GABRG3: variants seen among roughly 807,000 people sequenced by gnomAD.
The protein encoded by GABRG3 is gamma-aminobutyric acid receptor subunit gamma-3.
Under a neutral mutation model 48.8 loss-of-function variants are expected in GABRG3, and 25 were observed. The observed-to-expected ratio is 0.51, with a 90% CI of 0.37 to 0.72. The LOEUF (loss-of-function observed/expected upper bound fraction) is 0.72. Among genes scored for constraint, GABRG3 ranks in the 30% least tolerant of loss-of-function variants. The pLI is 0.00. For missense variants in GABRG3, 394 were observed against 577.9 expected, an observed-to-expected ratio of 0.68 and a Z score of 3.26; for synonymous variants, 227 against 217.6, an observed-to-expected ratio of 1.04 and a Z score of -0.38.
intron 2 of GABRG3, among the ~76,000 whole-genome samples, chr15:27,003,371 C>CT (rs1172689032): frequency 6.6e-6 from 1 of 151,684 alleles, no homozygotes; most frequent in East Asian, 1.9e-4. Flanking sequence ...TCCCTGCGGC[C>CT]TTCCGCAGTG....
intron 3 of GABRG3, among the ~76,000 whole-genome samples, chr15:27,215,932 C>T (rs570722586): frequency 5.9e-5 from 9 of 152,292 alleles, no homozygotes; most frequent in African/African-American, 2.2e-4. Flanking sequence ...AATCTATACT[C>T]GTGTCTTTTT....
chr15:27,271,707 C>T (rs1891096677), intron 3 of GABRG3: 12 of 442,966 alleles, frequency 2.7e-5, no homozygotes, highest in South Asian at 1.9e-4. Flanking sequence ...TGGCACAGCG[C>T]CAGAGGGACC....
intron 3 of GABRG3, among the ~76,000 whole-genome samples, chr15:27,266,115 G>A (rs1331154777): frequency 6.6e-6 from 1 of 151,930 alleles, no homozygotes; most frequent in Non-Finnish European, 1.5e-5. Flanking sequence ...GCCGACCTCA[G>A]GTGATCTGCC....
At chr15:27,233,874 T>A (rs8026110) in intron 3 of GABRG3, among the ~76,000 whole-genome samples, 2,645 of 152,296 alleles carry the variant, frequency 0.017, 75 homozygotes, top group African/African-American at 0.061. Flanking sequence ...GCTATTACAC[T>A]TCATGTGAAT....
At chr15:27,463,117 T>C (rs1889498171) in intron 5 of GABRG3, among the ~76,000 whole-genome samples, 1 of 152,180 alleles carries the variant, frequency 6.6e-6, no homozygotes, top group Admixed American at 6.5e-5. Context: ...TGAAGTGAGC[T>C]TGATTCAAAA....
chr15:27,255,069 A>G (rs1890570653), intron 3 of GABRG3, among the ~76,000 whole-genome samples: 2 of 152,106 alleles, frequency 1.3e-5, no homozygotes, highest in Admixed American at 1.3e-4. Flanking sequence ...GCCCCTGCAA[A>G]GATCCTGGCT....
At chr15:27,035,885 A>G (rs1896168706) in intron 3 of GABRG3, among the ~76,000 whole-genome samples, 1 of 152,228 alleles carries the variant, frequency 6.6e-6, no homozygotes, top group Non-Finnish European at 1.5e-5. Context: ...AGGGTGAGAA[A>G]TGGTGAGTTC....
At chr15:27,242,085 G>T (rs1222639480) in intron 3 of GABRG3, among the ~76,000 whole-genome samples, 1 of 152,180 alleles carries the variant, frequency 6.6e-6, no homozygotes, top group Non-Finnish European at 1.5e-5. Context: ...CCATCCTCCA[G>T]CACGAGATGC....
intron 3 of GABRG3, among the ~76,000 whole-genome samples, chr15:27,091,088 G>A (rs927912637): frequency 1.3e-5 from 2 of 152,216 alleles, no homozygotes; most frequent in Non-Finnish European, 2.9e-5. Flanking sequence ...AAGGGAGAAA[G>A]GGTGCAGTCT....
At chr15:27,314,452 A>G (rs1893142172) in intron 3 of GABRG3, among the ~76,000 whole-genome samples, 1 of 152,216 alleles carries the variant, frequency 6.6e-6, no homozygotes. Context: ...GAGCCCTTGT[A>G]CACCCTTGGG....
chr15:27,031,533 C>T (rs1372210344), intron 3 of GABRG3, among the ~76,000 whole-genome samples: 2 of 152,130 alleles, frequency 1.3e-5, no homozygotes, highest in Non-Finnish European at 2.9e-5. Context: ...ATAGCGTGAC[C>T]ATGTGTTACC....
chr15:27,436,995 TAGAGAGAGAGAGAG>T lies in GABRG3; in HGVS notation c.575-43630_575-43617del, dbSNP rs10549691. On this transcript the variant is annotated intron_variant, in intron 5 of 9. Coordinates refer to ENST00000615808, the MANE Select transcript of GABRG3 (RefSeq NM_033223.5). ...TGGGTGAGACTCCTTCTCCGAAAAA[TAGAGAGAGAGAGAG>T]AGAGAGAGAGAGAGAGAGAGAGAGC... Among the ~76,000 whole-genome samples, 1,056 of 130,590 alleles carry T rather than the reference TAGAGAGAGAGAGAG, an allele frequency of 8.1e-3. 8 individuals carry two copies. Among genetic ancestry groups the T allele is most frequent in the African/African-American group, 0.027 (964 of 35,324 alleles). The allele number at this position is 130,590 out of a possible 152,430, so 85.7% of individuals were successfully genotyped here.
chr15:27,513,379 G>T (rs56871893), intron 6 of GABRG3, among the ~76,000 whole-genome samples: 33 of 152,068 alleles, frequency 2.2e-4, no homozygotes, highest in African/African-American at 7.7e-4. Flanking sequence ...GAACCTGGGA[G>T]GCGGAGCTTG....
chr15:27,486,252 A>C (rs1890217257), intron 6 of GABRG3, among the ~76,000 whole-genome samples: 1 of 152,144 alleles, frequency 6.6e-6, no homozygotes, highest in South Asian at 2.1e-4. Context: ...GATTAATTGC[A>C]CTAGGAGCTT....
At chr15:27,001,067 G>A (rs562277835) in intron 2 of GABRG3, among the ~76,000 whole-genome samples, 10 of 152,182 alleles carry the variant, frequency 6.6e-5, no homozygotes, top group Non-Finnish European at 1.3e-4. Context: ...TCCATGTCAC[G>A]AGCCATAGGC....
intron 5 of GABRG3, among the ~76,000 whole-genome samples, chr15:27,372,684 C>A (rs1895454490): frequency 6.6e-6 from 1 of 152,108 alleles, no homozygotes; most frequent in Non-Finnish European, 1.5e-5. Context: ...GGCTTTAGTC[C>A]CCTTCTTAAA....
At chr15:27,413,490 A>C (rs895443597) in intron 5 of GABRG3, among the ~76,000 whole-genome samples, 2 of 152,248 alleles carry the variant, frequency 1.3e-5, no homozygotes, top group Non-Finnish European at 2.9e-5. Context: ...AACATTAGAA[A>C]TGAGCTGTCA....
chr15:27,523,918 G>A (rs954812666), intron 7 of GABRG3, among the ~76,000 whole-genome samples: 4 of 151,956 alleles, frequency 2.6e-5, no homozygotes, highest in African/African-American at 9.7e-5. Context: ...TCCAACATTT[G>A]TGTCACTGGA....
chr15:27,101,762 C>T (rs1172275211), intron 3 of GABRG3, among the ~76,000 whole-genome samples: 2 of 148,444 alleles, frequency 1.3e-5, no homozygotes, highest in African/African-American at 2.5e-5. Flanking sequence ...AATCTCTCGG[C>T]TTCCCTGGGC....
Sources: allele counts gnomAD v4.1 joint callset (sites outside exome capture counted in the v4.1 genomes callset), GRCh38; gene constraint gnomAD v4.1.1; transcripts MANE v1.5; gene names NCBI Gene and HGNC (gene_info 2026-07-23, HGNC 2026-07-21).